Variants in PTK2 observed in about 807,000 individuals in gnomAD.
PTK2 encodes focal adhesion kinase 1.
PTK2 carries 45 observed loss-of-function variants against 150.1 expected under a neutral mutation model. The ratio of observed to expected loss-of-function variants is 0.30; its 90% CI spans 0.24 to 0.38. The LOEUF is 0.38. Among genes scored for constraint, PTK2 ranks in the 10% least tolerant of loss-of-function variants. The pLI is 1.00. For missense variants in PTK2, 919 were observed against 1,307.3 expected, an observed-to-expected ratio of 0.70 and a Z score of 4.58; for synonymous variants, 432 against 449.2, an observed-to-expected ratio of 0.96 and a Z score of 0.48.
At chr8:140,978,251 A>T (rs764149355) in intron 1 of PTK2, among the ~76,000 whole-genome samples, 72 of 152,364 alleles carry the variant, frequency 4.7e-4, no homozygotes, top group African/African-American at 1.4e-3. Context: ...AAGCCAAAAC[A>T]GACAAATGGG....
chr8:140,684,458 A>G (rs2100018677), intron 27 of PTK2, among the ~76,000 whole-genome samples: 1 of 152,262 alleles, frequency 6.6e-6, no homozygotes, highest in Non-Finnish European at 1.5e-5. Context: ...CTATGGACCA[A>G]TACCAGTCTG....
intron 1 of PTK2, among the ~76,000 whole-genome samples, chr8:140,978,581 G>A (rs969925589): frequency 1.3e-5 from 2 of 151,454 alleles, no homozygotes; most frequent in Admixed American, 1.3e-4. Flanking sequence ...ACACCAGTTA[G>A]AATGGCAATC....
exon 11 of PTK2, chr8:140,803,609 C>A (rs1334223363): frequency 6.2e-7 from 1 of 1,614,068 alleles, no homozygotes. Flanking sequence ...TGTTTGAATA[C>A]TGAATGGTTT....
chr8:140,681,890 T>G (rs897422840), intron 27 of PTK2, among the ~76,000 whole-genome samples: 3 of 152,182 alleles, frequency 2.0e-5, no homozygotes, highest in African/African-American at 7.2e-5. Flanking sequence ...AATTTTTTGG[T>G]GTGGAAAAAT....
At chr8:140,756,419 C>T (rs190481210) in intron 16 of PTK2, among the ~76,000 whole-genome samples, 2,646 of 152,076 alleles carry the variant, frequency 0.017, 50 homozygotes, top group South Asian at 0.041. Flanking sequence ...GATTATGGGC[C>T]GGGCGCAGCG....
At chr8:140,879,692 A>C (rs1184447222) in intron 3 of PTK2, 55 bp from the exon 4 acceptor site, 18 of 1,270,132 alleles carry the variant, frequency 1.4e-5, no homozygotes, top group Non-Finnish European at 1.7e-5. Flanking sequence ...AAAAAAAAAA[A>C]AAAAAAAAAC....
intron 22 of PTK2, among the ~76,000 whole-genome samples, chr8:140,732,898 A>G (rs944340092): frequency 7.2e-5 from 11 of 152,238 alleles, no homozygotes; most frequent in African/African-American, 1.4e-4. Context: ...CCAAATGAAG[A>G]AGGAGGCATT....
intron 1 of PTK2, among the ~76,000 whole-genome samples, chr8:140,930,342 T>C (rs776563473): frequency 3.9e-5 from 6 of 152,194 alleles, no homozygotes; most frequent in Non-Finnish European, 5.9e-5. Context: ...GATTTCAAGA[T>C]AAATAGATAC....
At chr8:140,845,691 C>G (rs1301096150) in intron 7 of PTK2, among the ~76,000 whole-genome samples, 2 of 152,128 alleles carry the variant, frequency 1.3e-5, no homozygotes, top group Non-Finnish European at 2.9e-5. Flanking sequence ...TGGCACTTAG[C>G]TACAAAGGAC....
chr8:140,660,733 T>A (rs1588659266), intron 31 of PTK2: 2 of 407,970 alleles, frequency 4.9e-6, no homozygotes, highest in East Asian at 7.4e-5. Context: ...TGTACGCCCC[T>A]CCCCCCGCAC....
At chr8:140,952,305 G>C (rs2100179775) in intron 1 of PTK2, among the ~76,000 whole-genome samples, 1 of 152,100 alleles carries the variant, frequency 6.6e-6, no homozygotes, top group South Asian at 2.1e-4. Context: ...GTACAATATG[G>C]ACGGGGGAAG....
At chr8:140,727,053 C>G (rs1341187741) in intron 22 of PTK2, among the ~76,000 whole-genome samples, 1 of 152,086 alleles carries the variant, frequency 6.6e-6, no homozygotes, top group African/African-American at 2.4e-5. Context: ...TACTGTAATT[C>G]CCAGAGCAAG....
chr8:140,786,992 T>C lies in PTK2; in HGVS notation c.1177+2482A>G, dbSNP rs144656376. Reference sequence around the variant, plus strand: ...TGTAGATGAGGAGGTGAGGGAAGACTGGAGAAGTGGGTGGTGGGCAGATAA... The same window carrying C: ...TGTAGATGAGGAGGTGAGGGAAGACCGGAGAAGTGGGTGGTGGGCAGATAA... On this transcript the variant is annotated intron_variant, in intron 14 of 31. Coordinates refer to ENST00000522684, the Ensembl canonical transcript of PTK2. Among the ~76,000 whole-genome samples, 105 of 152,086 alleles carry C rather than the reference T, an allele frequency of 6.9e-4. 1 individual carries two copies. In the East Asian group the frequency reaches 0.017, roughly 24 times the overall value.
intron 7 of PTK2, among the ~76,000 whole-genome samples, chr8:140,831,081 T>G (rs557712955): frequency 6.6e-6 from 1 of 152,180 alleles, no homozygotes; most frequent in Non-Finnish European, 1.5e-5. Context: ...ACAGATAAAT[T>G]TATGCCCTAG....
intron 10 of PTK2, among the ~76,000 whole-genome samples, chr8:140,804,618 T>C (rs2100097260): frequency 6.6e-6 from 1 of 152,202 alleles, no homozygotes; most frequent in African/African-American, 2.4e-5. Context: ...CATGTGAAGA[T>C]TCCTATACAT....
At chr8:140,799,951 A>C (rs2100093939) in intron 12 of PTK2, among the ~76,000 whole-genome samples, 1 of 150,806 alleles carries the variant, frequency 6.6e-6, no homozygotes, top group Non-Finnish European at 1.5e-5. Context: ...GCTTGCAAAA[A>C]CTCCACACCG....
chr8:140,908,782 GA>G (rs1158691534), intron 2 of PTK2, among the ~76,000 whole-genome samples: 1 of 152,178 alleles, frequency 6.6e-6, no homozygotes, highest in Non-Finnish European at 1.5e-5. Flanking sequence ...AGTTTCCACG[GA>G]AAAGAACACT....
intron 16 of PTK2, among the ~76,000 whole-genome samples, chr8:140,755,086 C>T (rs1325922618): frequency 4.6e-5 from 7 of 151,908 alleles, no homozygotes; most frequent in Non-Finnish European, 1.0e-4. Flanking sequence ...AGCTAGTAGA[C>T]GTTTAAAATA....
At chr8:140,810,632 C>A (rs79927091) in intron 10 of PTK2, among the ~76,000 whole-genome samples, 1 of 152,172 alleles carries the variant, frequency 6.6e-6, no homozygotes, top group Non-Finnish European at 1.5e-5. Flanking sequence ...CACCTGTGTA[C>A]GCAGGCAGGT....
Sources: allele counts gnomAD v4.1 joint callset (sites outside exome capture counted in the v4.1 genomes callset), GRCh38; gene constraint gnomAD v4.1.1; transcripts MANE v1.5; gene names NCBI Gene and HGNC (gene_info 2026-07-23, HGNC 2026-07-21).